ME1: variants seen among roughly 807,000 people sequenced by gnomAD.
ME1 encodes malic enzyme 1, also known as NADP-dependent malic enzyme.
ME1 carries 74 observed loss-of-function variants against 66.4 expected under a neutral mutation model. The ratio of observed to expected loss-of-function variants is 1.11; its 90% confidence interval spans 0.92 to 1.35. The LOEUF (loss-of-function observed/expected upper bound fraction) is 1.35, where lower values mean the gene tolerates loss of function less well. Among genes scored for constraint, ME1 ranks in the 40% most tolerant of loss-of-function variants. The pLI, the probability that ME1 is intolerant of heterozygous loss-of-function variation, is 0.00. For missense variants in ME1, 750 were observed against 694.1 expected (o/e 1.08, Z -0.90); for synonymous variants, 251 against 235.6 (o/e 1.07, Z -0.60).
intron 8 of ME1, among the ~76,000 whole-genome samples, chr6:83,238,522 A>G (rs546808932): frequency 6.6e-6 from 1 of 152,232 alleles, no homozygotes; most frequent in East Asian, 1.9e-4. Flanking sequence ...CTAAAGTTAA[A>G]TACAGCATGT....
intron 6 of ME1, among the ~76,000 whole-genome samples, chr6:83,288,108 T>TAC (rs1767430358): frequency 6.6e-6 from 1 of 152,222 alleles, no homozygotes; most frequent in African/African-American, 2.4e-5. Context: ...GTAGGTTGCC[T>TAC]GTTCACTCTG....
intron 5 of ME1, among the ~76,000 whole-genome samples, chr6:83,330,393 T>A (rs1768381004): frequency 6.6e-6 from 1 of 152,148 alleles, no homozygotes; most frequent in Non-Finnish European, 1.5e-5. Context: ...CTAAAACCAG[T>A]ACCACTAAAA....
intron 6 of ME1, among the ~76,000 whole-genome samples, chr6:83,287,123 TA>T (rs1199689786): frequency 6.6e-6 from 1 of 152,166 alleles, no homozygotes; most frequent in Non-Finnish European, 1.5e-5. Flanking sequence ...TTTATTATGG[TA>T]AAAATATGTA....
At chr6:83,374,490 G>T (rs998944540) in intron 3 of ME1, among the ~76,000 whole-genome samples, 1 of 152,140 alleles carries the variant, frequency 6.6e-6, no homozygotes, top group Non-Finnish European at 1.5e-5. Flanking sequence ...GTAAATTCTG[G>T]ATATTAGACC....
chr6:83,291,097 T>C (rs184065696), intron 6 of ME1, among the ~76,000 whole-genome samples: 5 of 152,362 alleles, frequency 3.3e-5, no homozygotes, highest in African/African-American at 1.2e-4. Context: ...TGTCTTTTAA[T>C]TGGGGCATTT....
chr6:83,341,063 A>T (rs1450062861), intron 5 of ME1, among the ~76,000 whole-genome samples: 2 of 152,024 alleles, frequency 1.3e-5, no homozygotes, highest in Non-Finnish European at 2.9e-5. Flanking sequence ...TAACCATGTG[A>T]TCTGGGGTAG....
chr6:83,369,243 A>T (rs1488253571), intron 3 of ME1, among the ~76,000 whole-genome samples: 1 of 152,098 alleles, frequency 6.6e-6, no homozygotes, highest in Non-Finnish European at 1.5e-5. Flanking sequence ...CCCAAAGAGG[A>T]CATTTCATTG....
chr6:83,274,326 A>G lies in ME1; in HGVS notation c.705-20588T>C, dbSNP rs975638739. On this transcript the variant is annotated intron_variant, in intron 6 of 13. Coordinates refer to ENST00000369705, the MANE Select transcript of ME1 (RefSeq NM_002395.6). Reference sequence around the variant, plus strand: ...AAGCAGTGGATAGATGGAAAAAGTGAAGTACAGGAGCTTATAAAAATGCTC... The same window carrying G: ...AAGCAGTGGATAGATGGAAAAAGTGGAGTACAGGAGCTTATAAAAATGCTC... Among the ~76,000 whole-genome samples the G allele has an allele frequency of 5.9e-5, 9 of 152,304 alleles. No individual in the cohort carries two copies. In the East Asian group the frequency reaches 1.7e-3, roughly 29 times the overall value.
At chr6:83,250,483 C>A (rs545046170) in intron 7 of ME1, among the ~76,000 whole-genome samples, 102 of 152,332 alleles carry the variant, frequency 6.7e-4, no homozygotes, top group African/African-American at 2.3e-3. Flanking sequence ...CTCTTAACAT[C>A]TGCATTTAAC....
At chr6:83,331,705 C>A (rs866381252) in intron 5 of ME1, among the ~76,000 whole-genome samples, 26 of 152,000 alleles carry the variant, frequency 1.7e-4, no homozygotes, top group Middle Eastern at 3.4e-3. Flanking sequence ...CAGAAGAAAC[C>A]AACCCTACCA....
chr6:83,412,939 T>C (rs1052902033), intron 1 of ME1, among the ~76,000 whole-genome samples: 2 of 152,224 alleles, frequency 1.3e-5, no homozygotes, highest in African/African-American at 2.4e-5. Flanking sequence ...TCAAAACTAA[T>C]AGAACTGTAC....
intron 6 of ME1, among the ~76,000 whole-genome samples, chr6:83,255,811 C>A (rs547782890): frequency 6.6e-6 from 1 of 152,078 alleles, no homozygotes; most frequent in Non-Finnish European, 1.5e-5. Context: ...CACACACACA[C>A]TTACTCTTCA....
At chr6:83,263,619 A>T (rs916700337) in intron 6 of ME1, among the ~76,000 whole-genome samples, 7 of 152,170 alleles carry the variant, frequency 4.6e-5, no homozygotes, top group African/African-American at 1.7e-4. Context: ...CTTAAGCCAA[A>T]GCCTAATCCA....
intron 11 of ME1, among the ~76,000 whole-genome samples, chr6:83,226,278 G>A (rs1416218681): frequency 6.6e-6 from 1 of 152,050 alleles, no homozygotes; most frequent in East Asian, 1.9e-4. Context: ...CATAAATTTG[G>A]CTAATTTTGT....
At chr6:83,256,294 G>C (rs563029003) in intron 6 of ME1, among the ~76,000 whole-genome samples, 3 of 152,250 alleles carry the variant, frequency 2.0e-5, no homozygotes, top group African/African-American at 7.2e-5. Flanking sequence ...AAAATCTACA[G>C]ATTTTAAAAA....
chr6:83,214,812 C>A (rs1450609094), intron 13 of ME1, among the ~76,000 whole-genome samples: 4 of 152,014 alleles, frequency 2.6e-5, no homozygotes, highest in African/African-American at 9.7e-5. Context: ...AACTTGCAGT[C>A]CACTTACATG....
rs866436012 is a variant in ME1 at position 83,415,137 on chromosome 6, T to C, written c.79-7236A>G. ...ATGCCTATGATAGTGTGTATAGTGATTACTCATATAATGAACCAGAAAGAT... is the reference window on the plus strand; with the variant it reads ...ATGCCTATGATAGTGTGTATAGTGACTACTCATATAATGAACCAGAAAGAT... On this transcript the variant is annotated intron_variant, in intron 1 of 13. Coordinates refer to ENST00000369705, the MANE Select transcript of ME1 (RefSeq NM_002395.6). Among the ~76,000 whole-genome samples the C allele has an allele frequency of 4.4e-4, 67 of 152,234 alleles. 2 individuals are homozygous for C. Among genetic ancestry groups the C allele is most frequent in the Non-Finnish European group, 1.0e-4 (7 of 68,024 alleles).
chr6:83,388,091 C>CTTTTTT (rs57683304), intron 3 of ME1, among the ~76,000 whole-genome samples: 2 of 133,394 alleles, frequency 1.5e-5, no homozygotes, highest in Non-Finnish European at 3.2e-5. Context: ...TCCTTCCTTC[C>CTTTTTT]TTTTTTTTTT....
At chr6:83,229,122 A>G in intron 9 of ME1, 191 bp from the exon 10 acceptor site, 1 of 608,274 alleles carries the variant, frequency 1.6e-6, no homozygotes, top group Non-Finnish European at 2.9e-6. Flanking sequence ...TTATATGTCA[A>G]TGTTCTAGGC....
Sources: gnomAD v4.1 joint callset for allele counts (sites outside exome capture counted in the v4.1 genomes callset) on GRCh38, gnomAD v4.1.1 for gene constraint, MANE v1.5 for transcripts, NCBI Gene and HGNC (gene_info 2026-07-23, HGNC 2026-07-21) for gene names.